SLC39A10: variants seen among roughly 807,000 people sequenced by gnomAD.
SLC39A10 encodes solute carrier family 39 member 10.
A neutral mutation model predicts 65.1 loss-of-function variants in SLC39A10; 13 were observed. The observed-to-expected ratio is 0.20, with a 90% CI of 0.13 to 0.32. The LOEUF is 0.32. Ranked by LOEUF, SLC39A10 falls within the 10% of genes least tolerant of loss-of-function variation. SLC39A10 has a pLI of 1.00. For missense variants in SLC39A10, 831 were observed against 1,018.4 expected (o/e 0.82, Z 2.50); for synonymous variants, 321 against 342.2 (o/e 0.94, Z 0.68).
intron 3 of SLC39A10, among the ~76,000 whole-genome samples, chr2:195,699,809 CCT>C (rs1027740137): frequency 3.3e-5 from 5 of 152,014 alleles, no homozygotes; most frequent in African/African-American, 7.2e-5. Flanking sequence ...TGTATTAAGT[CCT>C]CTATTTCCTT....
rs182480747 is a variant in SLC39A10, at chr2:195,681,527, A to T, written c.1008+477A>T. On this transcript the variant is annotated intron_variant, in intron 2 of 9. Transcript: ENST00000359634. ...GCGACAAAGTGAGTCTCCATCTCAA[A>T]AAAAGAAAGAAAAAAGATTTTTAAA... 2.8e-3 allele frequency among the ~76,000 whole-genome samples: 429 copies of T among 152,292 alleles called. 3 individuals are homozygous for T. Among genetic ancestry groups the T allele is most frequent in the African/African-American group, 9.7e-3 (405 of 41,570 alleles).
At chr2:195,704,265 G>C (rs1034451861) in intron 3 of SLC39A10, among the ~76,000 whole-genome samples, 1 of 152,112 alleles carries the variant, frequency 6.6e-6, no homozygotes, top group Non-Finnish European at 1.5e-5. Context: ...GTTGCTTTTA[G>C]AAAAGTTGCT....
At chr2:195,719,720 C>T (rs949646107) in intron 8 of SLC39A10, among the ~76,000 whole-genome samples, 1 of 151,164 alleles carries the variant, frequency 6.6e-6, no homozygotes. Flanking sequence ...TGGGTTCAAG[C>T]GATTCTCATG....
intron 1 of SLC39A10, among the ~76,000 whole-genome samples, chr2:195,676,095 T>C (rs952217022): frequency 2.0e-5 from 3 of 152,214 alleles, no homozygotes; most frequent in African/African-American, 7.2e-5. Flanking sequence ...ATGTGCTTTA[T>C]ATACTCTGGA....
chr2:195,651,080 G>C (rs1357896797), intron 2 of SLC39A10, among the ~76,000 whole-genome samples: 1 of 142,656 alleles, frequency 7.0e-6, no homozygotes, highest in Non-Finnish European at 1.5e-5. Flanking sequence ...CAAAAAAAAT[G>C]TTTTTTTTTT....
At chr2:195,679,330 T>C (rs1690216309) in intron 1 of SLC39A10, among the ~76,000 whole-genome samples, 1 of 152,218 alleles carries the variant, frequency 6.6e-6, no homozygotes, top group Non-Finnish European at 1.5e-5. Flanking sequence ...GAAAAGACCA[T>C]CCTTTCCGGT....
intron 1 of SLC39A10, among the ~76,000 whole-genome samples, chr2:195,666,559 A>G (rs557152875): frequency 6.6e-6 from 1 of 152,308 alleles, no homozygotes; most frequent in Non-Finnish European, 1.5e-5. Flanking sequence ...CCCGGGCTCA[A>G]GTAATCCTCC....
chr2:195,673,275 C>T (rs1189529749), intron 1 of SLC39A10, among the ~76,000 whole-genome samples: 2 of 152,114 alleles, frequency 1.3e-5, no homozygotes, highest in Non-Finnish European at 1.5e-5. Flanking sequence ...CACCCAAGCT[C>T]AGATGATCCT....
At chr2:195,701,630 T>TAA (rs1337750646) in intron 3 of SLC39A10, among the ~76,000 whole-genome samples, 1 of 151,896 alleles carries the variant, frequency 6.6e-6, no homozygotes, top group Non-Finnish European at 1.5e-5. Flanking sequence ...TGGGGAGGGT[T>TAA]ATTGTTTTAT....
upstream of SLC39A10, among the ~76,000 whole-genome samples, chr2:195,655,242 C>A (rs1227960261): frequency 6.6e-6 from 1 of 152,088 alleles, no homozygotes; most frequent in African/African-American, 2.4e-5. Flanking sequence ...GGGGGGATAC[C>A]ACTCAGAGTT....
Position 195,708,801 on chromosome 2 carries a change from T to C in SLC39A10, c.1532T>C (p.Ile511Thr), listed in dbSNP as rs548539999. 2 of 1,612,926 alleles carry C rather than the reference T, an allele frequency of 1.2e-6. No individual in the cohort carries two copies. The highest frequency in any genetic ancestry group is 1.7e-5 in the Admixed American group (1 of 59,938). Reference protein sequence around the residue: ...ALGGIYLLFIIEHCIRMFKHY... With the variant: ...ALGGIYLLFITEHCIRMFKHY... Reference sequence around the variant, plus strand: ...GGAGGCATTTACTTGCTATTTATCATTGAACACTGCATTAGAATGTTTAAG... The same window carrying C: ...GGAGGCATTTACTTGCTATTTATCACTGAACACTGCATTAGAATGTTTAAG... The change falls in exon 5 of 10, where the codon ATT becomes ACT. Residue 511 changes from isoleucine (I) to threonine (T), a missense_variant. Physicochemically the swap from Ile to Thr is moderately conservative, Grantham distance 89. This residue lies in a region of SLC39A10 where 230 missense variants were observed against 242.9 expected (regional missense o/e 0.95). Transcript: ENST00000359634.
chr2:195,638,574 C>A (rs895757696), intron 2 of SLC39A10, among the ~76,000 whole-genome samples: 4 of 151,900 alleles, frequency 2.6e-5, no homozygotes, highest in African/African-American at 9.7e-5. Flanking sequence ...GAACTCCTGA[C>A]CTCAAGTGAT....
chr2:195,685,197 AG>A (rs1690478948), intron 3 of SLC39A10, among the ~76,000 whole-genome samples: 1 of 152,090 alleles, frequency 6.6e-6, no homozygotes. Context: ...ACAAACCCTA[AG>A]GTTTGTCTGA....
intron 3 of SLC39A10, among the ~76,000 whole-genome samples, chr2:195,686,955 G>A (rs1168377107): frequency 6.6e-6 from 1 of 152,208 alleles, no homozygotes; most frequent in African/African-American, 2.4e-5. Context: ...ATTGTTTTAA[G>A]TATAGATAAG....
At chr2:195,678,847 A>T (rs1393658435) in intron 1 of SLC39A10, among the ~76,000 whole-genome samples, 2 of 152,130 alleles carry the variant, frequency 1.3e-5, no homozygotes, top group African/African-American at 2.4e-5. Context: ...TATTGATTAG[A>T]TGTTGAAATT....
Position 195,736,235 on chromosome 2 carries a change from G to C in SLC39A10, c.*1194G>C, listed in dbSNP as rs957328978. 1.9e-5 allele frequency: 3 copies of C among 154,578 alleles called. No homozygotes were observed. The highest frequency in any genetic ancestry group is 2.4e-5 in the African/African-American group (1 of 41,426). 9.6% of individuals were successfully genotyped at this position (154,578 alleles called of 1,614,324 possible). A position where few individuals can be genotyped will look rare whatever the true frequency, so the allele number is the denominator to read the frequency against. ...AAGATATGCTGTTGGTGCCTGATAG[G>C]GATTAGTCTTTTAGGTGCCCTGTTC... On this transcript the variant is annotated 3_prime_UTR_variant, in exon 10 of 10. Transcript: ENST00000359634.
chr2:195,688,106 T>G (rs910752780), intron 3 of SLC39A10, among the ~76,000 whole-genome samples: 2 of 152,232 alleles, frequency 1.3e-5, no homozygotes, highest in Non-Finnish European at 2.9e-5. Context: ...GAAGCTTGTT[T>G]CAGACATTTG....
chr2:195,713,653 A>T, intron 6 of SLC39A10, 100 bp downstream of exon 6: 1 of 1,293,842 alleles, frequency 7.7e-7, no homozygotes, highest in Non-Finnish European at 1.0e-6. Flanking sequence ...CTGAAATTAA[A>T]TAATACAGTA....
chr2:195,695,266 G>C (rs1333465833), intron 3 of SLC39A10, among the ~76,000 whole-genome samples: 1 of 152,236 alleles, frequency 6.6e-6, no homozygotes, highest in South Asian at 2.1e-4. Flanking sequence ...CCTTGGGTGG[G>C]GCTTCCTGTG....
Sources: gnomAD v4.1 joint callset for allele counts (sites outside exome capture counted in the v4.1 genomes callset) on GRCh38, gnomAD v4.1.1 for gene constraint, gnomAD v4.1.1 regional missense constraint, MANE v1.5 for transcripts, NCBI Gene and HGNC (gene_info 2026-07-23, HGNC 2026-07-21) for gene names.